The following RCAN2 variants were observed in gnomAD, a reference collection of about 807,000 sequenced individuals.
The protein encoded by RCAN2 is regulator of calcineurin 2, also known as calcipressin-2.
Under a neutral mutation model 23.6 loss-of-function variants are expected in RCAN2, and 9 were observed. The observed-to-expected ratio is 0.38, with a 90% CI of 0.23 to 0.67. The LOEUF (loss-of-function observed/expected upper bound fraction) is 0.67, where lower values mean the gene tolerates loss of function less well. RCAN2 is among the 30% of genes least tolerant of loss of function. The probability of loss-of-function intolerance (pLI) is 0.51; values close to 1 mark genes in which losing one functional copy is unlikely to be tolerated. For missense variants in RCAN2, 273 were observed against 302.3 expected, an observed-to-expected ratio of 0.90 and a Z score of 0.72; for synonymous variants, 109 against 115.7, an observed-to-expected ratio of 0.94 and a Z score of 0.37.
At chr6:46,452,755 A>T (rs139639528) in intron 2 of RCAN2, among the ~76,000 whole-genome samples, 1 of 152,336 alleles carries the variant, frequency 6.6e-6, no homozygotes, top group African/African-American at 2.4e-5. Context: ...CACCATGCCA[A>T]ATGCTATATA....
chr6:46,298,324 G>T (rs572375842), intron 2 of RCAN2, among the ~76,000 whole-genome samples: 1 of 152,192 alleles, frequency 6.6e-6, no homozygotes, highest in East Asian at 1.9e-4. Flanking sequence ...ATGTCACTCA[G>T]TGTAGGGCAA....
chr6:46,243,664 G>C (rs925675618), intron 4 of RCAN2, among the ~76,000 whole-genome samples: 5 of 151,886 alleles, frequency 3.3e-5, no homozygotes, highest in African/African-American at 1.2e-4. Flanking sequence ...ATAAAAATTA[G>C]CCAGGTGTGG....
At chr6:46,346,265 C>G (rs1764478228) in intron 2 of RCAN2, among the ~76,000 whole-genome samples, 1 of 152,078 alleles carries the variant, frequency 6.6e-6, no homozygotes, top group African/African-American at 2.4e-5. Flanking sequence ...CTTCAAATCT[C>G]TATAGTGAAA....
intron 2 of RCAN2, among the ~76,000 whole-genome samples, chr6:46,367,190 T>C (rs546103517): frequency 5.3e-5 from 8 of 151,462 alleles, no homozygotes; most frequent in Non-Finnish European, 1.0e-4. Flanking sequence ...TAATATTGGC[T>C]TAAGGGTGGC....
chr6:46,445,489 T>C (rs1767679799), intron 2 of RCAN2, among the ~76,000 whole-genome samples: 1 of 152,198 alleles, frequency 6.6e-6, no homozygotes, highest in South Asian at 2.1e-4. Flanking sequence ...AAGTCCCTAC[T>C]TCTTCAAATG....
At chr6:46,329,770 C>CT (rs1763904888) in intron 2 of RCAN2, among the ~76,000 whole-genome samples, 1 of 152,202 alleles carries the variant, frequency 6.6e-6, no homozygotes, top group African/African-American at 2.4e-5. Flanking sequence ...CAAACCACTG[C>CT]TCTTGCAATG....
chr6:46,320,436 T>C lies in RCAN2; in HGVS notation c.226-71540A>G, dbSNP rs1763576600. 7.2e-5 allele frequency among the ~76,000 whole-genome samples: 11 copies of C among 152,344 alleles called. No homozygotes were observed. The South Asian group carries it at 2.3e-3, about 32-fold the overall frequency. Reference sequence around the variant, plus strand: ...GATTTGAAATGTCCAGTGGTTTGTATGACAGAGAGATTTCATTGTACTCAG... The same window carrying C: ...GATTTGAAATGTCCAGTGGTTTGTACGACAGAGAGATTTCATTGTACTCAG... On this transcript the variant is annotated intron_variant, in intron 2 of 4. Coordinates refer to ENST00000371374, the MANE Select transcript of RCAN2 (RefSeq NM_001251974.2).
At chr6:46,328,375 G>A (rs937329564) in intron 2 of RCAN2, among the ~76,000 whole-genome samples, 3 of 152,214 alleles carry the variant, frequency 2.0e-5, no homozygotes, top group African/African-American at 7.2e-5. Context: ...ATAAGAGACA[G>A]AGTCTTAAGT....
At chr6:46,365,321 C>G (rs1765136998) in intron 2 of RCAN2, among the ~76,000 whole-genome samples, 2 of 151,706 alleles carry the variant, frequency 1.3e-5, no homozygotes, top group South Asian at 4.2e-4. Context: ...ACTAAAAATA[C>G]AACAATTAGC....
rs1419001415 is a variant in RCAN2, at chr6:46,480,067, A to G, written c.-3+11106T>C. On this transcript the variant is annotated intron_variant, in intron 1 of 4. Transcript: ENST00000371374. Reference sequence around the variant, plus strand: ...AATTCCGGCACCAAAACCATGCAGCAGTATTATTCATTATAAAGCGGGCCC... The same window carrying G: ...AATTCCGGCACCAAAACCATGCAGCGGTATTATTCATTATAAAGCGGGCCC... 2.6e-5 allele frequency among the ~76,000 whole-genome samples: 4 copies of G among 152,316 alleles called. No homozygotes were observed. In the East Asian group the frequency reaches 7.7e-4, roughly 29 times the overall value.
At chr6:46,282,740 T>A (rs1179809298) in intron 2 of RCAN2, among the ~76,000 whole-genome samples, 1 of 152,184 alleles carries the variant, frequency 6.6e-6, no homozygotes, top group East Asian at 1.9e-4. Context: ...ATGGCCAAAG[T>A]GTACAGATCA....
intron 2 of RCAN2, among the ~76,000 whole-genome samples, chr6:46,342,361 G>T (rs547045067): frequency 6.6e-6 from 1 of 152,004 alleles, no homozygotes; most frequent in South Asian, 2.1e-4. Context: ...GATGTAGAAT[G>T]CCAGTGGTGG....
chr6:46,235,066 C>T lies in RCAN2; in HGVS notation c.571+11682G>A, dbSNP rs75296156. 2.8e-3 allele frequency among the ~76,000 whole-genome samples: 431 copies of T among 152,276 alleles called. 1 individual carries two copies. The highest frequency in any genetic ancestry group is 1.0e-2 in the African/African-American group (415 of 41,570). ...TTCTCTCTCATGCCACCTTGGCTTA[C>T]GGGCCATGACTTGGCCACCTCTTAA... On this transcript the variant is annotated intron_variant, in intron 4 of 4. Coordinates refer to ENST00000371374, the MANE Select transcript of RCAN2 (RefSeq NM_001251974.2).
intron 2 of RCAN2, among the ~76,000 whole-genome samples, chr6:46,265,926 A>G (rs542214414): frequency 1.2e-4 from 19 of 152,190 alleles, no homozygotes; most frequent in Non-Finnish European, 2.6e-4. Flanking sequence ...TCTTGCAGCT[A>G]GTAGAAATAA....
At chr6:46,304,907 G>A (rs1344854407) in intron 2 of RCAN2, among the ~76,000 whole-genome samples, 2 of 152,114 alleles carry the variant, frequency 1.3e-5, no homozygotes, top group Admixed American at 1.3e-4. Flanking sequence ...AGAACACTGT[G>A]CAAATGACAG....
At chr6:46,372,162 T>A (rs1765340365) in intron 2 of RCAN2, among the ~76,000 whole-genome samples, 1 of 152,288 alleles carries the variant, frequency 6.6e-6, no homozygotes, top group Middle Eastern at 3.4e-3. Context: ...TGTTTCTTAT[T>A]AACCATGGAA....
At chr6:46,256,801 T>G (rs1277174182) in intron 2 of RCAN2, among the ~76,000 whole-genome samples, 1 of 152,214 alleles carries the variant, frequency 6.6e-6, no homozygotes. Flanking sequence ...GAAACAAGTG[T>G]AGAAACATAC....
At chr6:46,434,956 T>C (rs980059927) in intron 2 of RCAN2, among the ~76,000 whole-genome samples, 2 of 152,196 alleles carry the variant, frequency 1.3e-5, no homozygotes, top group Non-Finnish European at 2.9e-5. Context: ...CTGAATGAGA[T>C]TGTGCCATGA....
intron 2 of RCAN2, among the ~76,000 whole-genome samples, chr6:46,328,897 C>T (rs992913544): frequency 1.3e-5 from 2 of 152,206 alleles, no homozygotes; most frequent in African/African-American, 2.4e-5. Flanking sequence ...GCTTGAACCA[C>T]CACCCCTAGC....
Sources: allele counts gnomAD v4.1 joint callset (sites outside exome capture counted in the v4.1 genomes callset), GRCh38; gene constraint gnomAD v4.1.1; transcripts MANE v1.5; gene names NCBI Gene and HGNC (gene_info 2026-07-23, HGNC 2026-07-21).